The following PCBP3 variants were observed in gnomAD, a reference collection of about 807,000 sequenced individuals.
The protein encoded by PCBP3 is poly(rC) binding protein 3.
Under a neutral mutation model 52.7 loss-of-function variants are expected in PCBP3, and 25 were observed. The observed-to-expected ratio is 0.47, with a 90% CI of 0.35 to 0.66. PCBP3 has a LOEUF of 0.66. Ranked by LOEUF, PCBP3 falls within the 30% of genes least tolerant of loss-of-function variation. The pLI is 0.01. For missense variants in PCBP3, 391 were observed against 490.3 expected, an observed-to-expected ratio of 0.80 and a Z score of 1.91; for synonymous variants, 162 against 183.0, an observed-to-expected ratio of 0.89 and a Z score of 0.93.
At chr21:45,759,065 AG>A (rs2088359181) in intron 4 of PCBP3, among the ~76,000 whole-genome samples, 1 of 152,130 alleles carries the variant, frequency 6.6e-6, no homozygotes, top group Non-Finnish European at 1.5e-5. Context: ...GTTACAGTAA[AG>A]GGATTTTGTT....
Position 45,941,716 on chromosome 21 carries a change from G to T in PCBP3, c.*10G>T. On this transcript the variant is annotated 3_prime_UTR_variant, in exon 18 of 18. Transcript: ENST00000681687. ...GATGGGCACGCTGTAATCCTACCCA[G>T]CACCCTTCCCCCGCGTCACCCACCT... 6.2e-7 allele frequency: 1 copy of T among 1,600,356 alleles called. No homozygotes were observed.
intron 10 of PCBP3, among the ~76,000 whole-genome samples, 193 bp from the exon 11 acceptor site, chr21:45,910,709 C>T (rs776767216): frequency 3.3e-5 from 5 of 151,790 alleles, no homozygotes; most frequent in Non-Finnish European, 7.4e-5. Flanking sequence ...GGCACAGGGC[C>T]GGGTGCCAGG....
At chr21:45,776,480 C>CTT (rs1353717096) in intron 4 of PCBP3, among the ~76,000 whole-genome samples, 2 of 151,584 alleles carry the variant, frequency 1.3e-5, no homozygotes, top group East Asian at 3.9e-4. Context: ...TTCTCTCTCT[C>CTT]TCTCTCTCTC....
chr21:45,656,283 C>T lies in PCBP3; in HGVS notation c.-279+12415C>T, dbSNP rs2080012863. ...GATAGACTGGATAAAGAAAATGTGG[C>T]ACATATACACCATGGAATACTATGC... On this transcript the variant is annotated intron_variant, in intron 1 of 17. Coordinates refer to ENST00000681687, the MANE Select transcript of PCBP3 (RefSeq NM_001384156.1). The surrounding 1 kb of genome is among the most constrained non-coding windows in gnomAD (Gnocchi z 4.3). Among the ~76,000 whole-genome samples, 1 of 152,144 alleles carries T rather than the reference C, an allele frequency of 6.6e-6. No homozygotes were observed. Among genetic ancestry groups the T allele is most frequent in the African/African-American group, 2.4e-5 (1 of 41,416 alleles).
chr21:45,925,545 G>C (rs1335487708), intron 13 of PCBP3, among the ~76,000 whole-genome samples: 1 of 152,028 alleles, frequency 6.6e-6, no homozygotes, highest in Non-Finnish European at 1.5e-5. Context: ...TGAACAAATA[G>C]GCAAGCAAAC....
At chr21:45,929,333 GGA>G in intron 13 of PCBP3, among the ~76,000 whole-genome samples, 1 of 152,288 alleles carries the variant, frequency 6.6e-6, no homozygotes, top group East Asian at 1.9e-4. Context: ...AGACGCTTCT[GGA>G]GGTGACTAAA....
At chr21:45,901,707 A>ACGACAGAGAG in intron 9 of PCBP3, 1 of 131,400 alleles carries the variant, frequency 7.6e-6, no homozygotes. Flanking sequence ...GAGAGAGAGG[A>ACGACAGAGAG]AGACAGAGAG....
intron 2 of PCBP3, among the ~76,000 whole-genome samples, chr21:45,684,179 G>C (rs959994330): frequency 4.6e-5 from 7 of 152,008 alleles, no homozygotes; most frequent in Non-Finnish European, 8.8e-5. Context: ...CATGAGCTAT[G>C]ATCACACCAC....
intron 4 of PCBP3, among the ~76,000 whole-genome samples, chr21:45,826,727 G>A (rs1457676736): frequency 6.6e-6 from 1 of 152,154 alleles, no homozygotes; most frequent in Non-Finnish European, 1.5e-5. Flanking sequence ...TGGGGCACTG[G>A]ACAAGTCAGA....
At chr21:45,715,561 T>C (rs1357476838) in intron 2 of PCBP3, among the ~76,000 whole-genome samples, 2 of 152,070 alleles carry the variant, frequency 1.3e-5, no homozygotes, top group Non-Finnish European at 2.9e-5. Flanking sequence ...AATGCCAGAG[T>C]GTTTTCCAAA....
intron 5 of PCBP3, among the ~76,000 whole-genome samples, chr21:45,860,239 G>T (rs1280560156): frequency 6.6e-6 from 1 of 152,166 alleles, no homozygotes; most frequent in East Asian, 1.9e-4. Context: ...GGGTACATCG[G>T]TGCCCTTCTG....
chr21:45,937,195 C>T (rs1457477249), intron 16 of PCBP3, among the ~76,000 whole-genome samples: 1 of 152,224 alleles, frequency 6.6e-6, no homozygotes, highest in Non-Finnish European at 1.5e-5. Context: ...GCTGCCTCAG[C>T]GTTCCTGCAG....
At chr21:45,901,166 C>T (rs1311231631) in intron 9 of PCBP3, 53 bp downstream of exon 9, 4 of 1,307,254 alleles carry the variant, frequency 3.1e-6, no homozygotes, top group Non-Finnish European at 4.4e-6. Context: ...GGCCTGGTCC[C>T]AGCTGGCTCC....
intron 4 of PCBP3, among the ~76,000 whole-genome samples, chr21:45,815,563 G>A (rs1192386069): frequency 1.1e-5 from 1 of 88,910 alleles, no homozygotes; most frequent in Non-Finnish European, 2.2e-5. Flanking sequence ...GTGGTGAGTG[G>A]TGAGTGAGTG....
intron 2 of PCBP3, among the ~76,000 whole-genome samples, chr21:45,689,336 C>T (rs997932797): frequency 6.6e-6 from 1 of 151,954 alleles, no homozygotes; most frequent in African/African-American, 2.4e-5. Context: ...AAAATACTCT[C>T]CTATGATCAC....
At chr21:45,808,608 A>C (rs931152218) in intron 4 of PCBP3, among the ~76,000 whole-genome samples, 3 of 152,226 alleles carry the variant, frequency 2.0e-5, no homozygotes, top group Admixed American at 6.5e-5. Flanking sequence ...AAATTAGTTC[A>C]ACCATTGTGG....
chr21:45,769,085 G>A (rs1225278555), intron 4 of PCBP3, among the ~76,000 whole-genome samples: 3 of 152,240 alleles, frequency 2.0e-5, no homozygotes, highest in East Asian at 3.9e-4. Context: ...TGCATTGCCT[G>A]TGCTGACTTA....
At chr21:45,922,694 C>T (rs543300726) in intron 13 of PCBP3, among the ~76,000 whole-genome samples, 6 of 152,332 alleles carry the variant, frequency 3.9e-5, no homozygotes, top group East Asian at 3.9e-4. Context: ...TTAGAGTTGA[C>T]GAAGAGTTTG....
chr21:45,721,234 G>A (rs1415293278), intron 2 of PCBP3, among the ~76,000 whole-genome samples: 4 of 152,076 alleles, frequency 2.6e-5, no homozygotes, highest in East Asian at 3.9e-4. Flanking sequence ...CCAATGTGGC[G>A]AAACCCCATC....
Sources: gnomAD v4.1 joint callset for allele counts (sites outside exome capture counted in the v4.1 genomes callset) on GRCh38, gnomAD v4.1.1 for gene constraint, Gnocchi (gnomAD v3.1) non-coding constraint, MANE v1.5 for transcripts, NCBI Gene and HGNC (gene_info 2026-07-23, HGNC 2026-07-21) for gene names.